The following LYPD6B variants were observed in gnomAD, a reference collection of about 807,000 sequenced individuals.
LYPD6B encodes the protein ly6/PLAUR domain-containing protein 6B.
In LYPD6B, 17 loss-of-function variants were observed where a neutral mutation model predicts 22.8. That is an observed-to-expected ratio of 0.75 (90% CI 0.51 to 1.12). The LOEUF (loss-of-function observed/expected upper bound fraction) is 1.12, where lower values mean the gene tolerates loss of function less well. Ranked by LOEUF, LYPD6B falls within the 50% of genes most tolerant of loss-of-function variation. LYPD6B has a pLI of 0.00. For missense variants in LYPD6B, 221 were observed against 258.3 expected (o/e 0.86, Z 0.99); for synonymous variants, 106 against 91.6 (o/e 1.16, Z -0.90).
chr2:149,141,628 T>C (rs978504826), intron 2 of LYPD6B, among the ~76,000 whole-genome samples: 1 of 152,196 alleles, frequency 6.6e-6, no homozygotes, highest in Non-Finnish European at 1.5e-5. Context: ...TTAAAAAAAT[T>C]CCAACCTCCT....
chr2:149,074,815 A>AT (rs11418220), intron 1 of LYPD6B, among the ~76,000 whole-genome samples: 56,165 of 151,800 alleles, frequency 0.37, 10,606 homozygotes, highest in South Asian at 0.44. Context: ...TTAAAATACA[A>AT]TTTTTTTTCT....
intron 2 of LYPD6B, among the ~76,000 whole-genome samples, chr2:149,140,299 G>A (rs138724242): frequency 9.2e-5 from 14 of 152,276 alleles, no homozygotes; most frequent in Admixed American, 4.6e-4. Flanking sequence ...GTGGTTCAGC[G>A]CTTTGCATGA....
chr2:149,185,772 G>A (rs975730848), intron 3 of LYPD6B, among the ~76,000 whole-genome samples: 65 of 152,280 alleles, frequency 4.3e-4, no homozygotes, highest in African/African-American at 1.4e-3. Context: ...TGCTCACTTT[G>A]TGTCTCTTCA....
chr2:149,042,590 C>T (rs1008514106), intron 1 of LYPD6B, among the ~76,000 whole-genome samples: 1 of 152,172 alleles, frequency 6.6e-6, no homozygotes, highest in African/African-American at 2.4e-5. Flanking sequence ...TCATTTATTT[C>T]ACAAATATTT....
At chr2:149,042,705 C>T (rs981052175) in intron 1 of LYPD6B, among the ~76,000 whole-genome samples, 13 of 151,762 alleles carry the variant, frequency 8.6e-5, no homozygotes, top group South Asian at 6.3e-4. Flanking sequence ...ATAAGTCAGG[C>T]GGTGAGAAGT....
intron 3 of LYPD6B, among the ~76,000 whole-genome samples, chr2:149,174,578 G>A (rs1311101526): frequency 6.6e-6 from 1 of 152,092 alleles, no homozygotes; most frequent in East Asian, 1.9e-4. Flanking sequence ...AGTTTATTGA[G>A]AGTTTTTAAC....
At chr2:149,203,961 G>A (rs1017019381) in intron 3 of LYPD6B, among the ~76,000 whole-genome samples, 7 of 152,160 alleles carry the variant, frequency 4.6e-5, no homozygotes, top group South Asian at 2.1e-4. Flanking sequence ...CAAACAAAAC[G>A]TGCATGTGAA....
At chr2:149,048,353 G>A (rs1683403623) in intron 1 of LYPD6B, among the ~76,000 whole-genome samples, 1 of 152,174 alleles carries the variant, frequency 6.6e-6, no homozygotes, top group African/African-American at 2.4e-5. Flanking sequence ...GTTATTCTCA[G>A]TGTACCCCCA....
intron 3 of LYPD6B, among the ~76,000 whole-genome samples, chr2:149,198,074 G>T (rs897714199): frequency 1.4e-5 from 2 of 147,798 alleles, no homozygotes; most frequent in African/African-American, 5.0e-5. Context: ...ACAGAGTCTC[G>T]CTCTGTCACC....
chr2:149,194,926 A>T (rs1409330514), intron 3 of LYPD6B, among the ~76,000 whole-genome samples: 1 of 152,200 alleles, frequency 6.6e-6, no homozygotes, highest in East Asian at 1.9e-4. Flanking sequence ...GTGTGTGTTG[A>T]ATCACAGGTG....
At chr2:149,048,978 G>A (rs753425216) in intron 1 of LYPD6B, among the ~76,000 whole-genome samples, 4 of 152,146 alleles carry the variant, frequency 2.6e-5, no homozygotes, top group Admixed American at 6.5e-5. Context: ...TATGGATATC[G>A]TTTATAAGCT....
chr2:149,207,251 A>T (rs577341266), intron 4 of LYPD6B, among the ~76,000 whole-genome samples: 1 of 152,248 alleles, frequency 6.6e-6, no homozygotes, highest in African/African-American at 2.4e-5. Flanking sequence ...TTAGCTTTTG[A>T]TATTTTGTTC....
At chr2:149,189,342 T>TATATATATATATATATA (rs1692328364) in intron 3 of LYPD6B, among the ~76,000 whole-genome samples, 1 of 66,112 alleles carries the variant, frequency 1.5e-5, no homozygotes, top group Non-Finnish European at 2.9e-5. Flanking sequence ...TTGTCCAAAA[T>TATATATATATATATATA]TATATATATA....
intron 3 of LYPD6B, among the ~76,000 whole-genome samples, chr2:149,170,009 G>A (rs1201007366): frequency 6.6e-6 from 1 of 152,166 alleles, no homozygotes; most frequent in African/African-American, 2.4e-5. Flanking sequence ...ATATAAATGT[G>A]CCTTGGACAT....
At chr2:149,204,352 C>G (rs756110287) in intron 3 of LYPD6B, among the ~76,000 whole-genome samples, 1 of 152,190 alleles carries the variant, frequency 6.6e-6, no homozygotes, top group Non-Finnish European at 1.5e-5. Context: ...CTGCCCACAC[C>G]TCCTCCTTGT....
At chr2:149,047,754 T>G (rs954592389) in intron 1 of LYPD6B, among the ~76,000 whole-genome samples, 1 of 152,138 alleles carries the variant, frequency 6.6e-6, no homozygotes, top group Admixed American at 6.5e-5. Context: ...CAGTTACACC[T>G]AGGTTTGAAT....
chr2:149,212,324 G>A (rs1397095798), intron 5 of LYPD6B, among the ~76,000 whole-genome samples: 2 of 129,850 alleles, frequency 1.5e-5, no homozygotes, highest in African/African-American at 5.7e-5. Flanking sequence ...AGGGCTTGCA[G>A]TGAGCCGAGA....
At chr2:149,060,813 T>A (rs1397249902) in intron 1 of LYPD6B, among the ~76,000 whole-genome samples, 2 of 152,052 alleles carry the variant, frequency 1.3e-5, no homozygotes, top group African/African-American at 4.8e-5. Context: ...AGGTGAAGGA[T>A]CAGGGTCAAC....
chr2:149,151,467 C>A (rs944277566), intron 2 of LYPD6B, among the ~76,000 whole-genome samples: 1 of 152,164 alleles, frequency 6.6e-6, no homozygotes, highest in African/African-American at 2.4e-5. Flanking sequence ...AATGAGGAAG[C>A]TGTAGTCTTC....
Sources: gnomAD v4.1 joint callset for allele counts (sites outside exome capture counted in the v4.1 genomes callset) on GRCh38, gnomAD v4.1.1 for gene constraint, MANE v1.5 for transcripts, NCBI Gene and HGNC (gene_info 2026-07-23, HGNC 2026-07-21) for gene names.